Variants in MYO3B observed in about 807,000 individuals in gnomAD.
MYO3B encodes the protein myosin IIIB.
MYO3B carries 156 observed loss-of-function variants against 174.6 expected under a neutral mutation model. That is an observed-to-expected ratio of 0.89 (90% CI 0.78 to 1.02). The LOEUF is 1.02. MYO3B is among the 50% of genes least tolerant of loss of function. The probability of loss-of-function intolerance (pLI) is 0.00; values close to 1 mark genes in which losing one functional copy is unlikely to be tolerated. For synonymous variants in MYO3B, 563 were observed against 569.1 expected, an observed-to-expected ratio of 0.99 and a Z score of 0.15; for missense variants, 1,632 against 1,639.4, an observed-to-expected ratio of 1.00 and a Z score of 0.08.
At chr2:170,274,377 T>C (rs2093448071) in intron 7 of MYO3B, among the ~76,000 whole-genome samples, 1 of 152,222 alleles carries the variant, frequency 6.6e-6, no homozygotes. Context: ...TAAAACTCCT[T>C]TAACTCAAGC....
At chr2:170,526,479 A>G (rs1311573771) in intron 30 of MYO3B, among the ~76,000 whole-genome samples, 4 of 152,190 alleles carry the variant, frequency 2.6e-5, no homozygotes, top group Non-Finnish European at 2.9e-5. Context: ...ACTTTGAACA[A>G]TGCTCACTCT....
chr2:170,187,076 T>C (rs1253387572), intron 1 of MYO3B, among the ~76,000 whole-genome samples: 1 of 151,952 alleles, frequency 6.6e-6, no homozygotes, highest in African/African-American at 2.4e-5. Flanking sequence ...AAAAGGTTTG[T>C]CAATTTTATT....
chr2:170,359,448 T>C (rs2094145411), intron 8 of MYO3B, among the ~76,000 whole-genome samples: 1 of 152,190 alleles, frequency 6.6e-6, no homozygotes. Context: ...CTAAAGCAAA[T>C]ATCTAATTGT....
At chr2:170,297,778 T>G (rs979760895) in intron 7 of MYO3B, among the ~76,000 whole-genome samples, 1 of 152,208 alleles carries the variant, frequency 6.6e-6, no homozygotes, top group African/African-American at 2.4e-5. Context: ...ATTTGTTTCT[T>G]GCCATTATCA....
chr2:170,379,155 T>G (rs1404781929), intron 9 of MYO3B, among the ~76,000 whole-genome samples: 2 of 152,042 alleles, frequency 1.3e-5, no homozygotes, highest in Non-Finnish European at 2.9e-5. Context: ...TAGCTGAATT[T>G]AATATGGTAA....
At position 170,422,462 on chromosome 2, in the gene MYO3B, CT is replaced by C. The variant is rs35820262; in HGVS notation, c.2650+14632del. Among the ~76,000 whole-genome samples, 558 of 144,150 alleles carry C rather than the reference CT, an allele frequency of 3.9e-3. 2 individuals are homozygous for C. The highest frequency in any genetic ancestry group is 8.1e-3 in the Admixed American group (117 of 14,506). 94.6% of individuals were successfully genotyped at this position (144,150 alleles called of 152,430 possible). A position where few individuals can be genotyped will look rare whatever the true frequency, so the allele number is the denominator to read the frequency against. Reference sequence around the variant, plus strand: ...GAAATGTAAAATGTTCTATTAGCCACTTTTTTTTTTTTTTGAGATGGAGTCT... The same window carrying C: ...GAAATGTAAAATGTTCTATTAGCCACTTTTTTTTTTTTTGAGATGGAGTCT... On this transcript the variant is annotated intron_variant, in intron 22 of 34. Coordinates refer to ENST00000408978, the MANE Select transcript of MYO3B (RefSeq NM_138995.5).
intron 25 of MYO3B, among the ~76,000 whole-genome samples, chr2:170,491,442 T>C (rs1686461576): frequency 7.9e-6 from 1 of 125,852 alleles, no homozygotes. Context: ...AACTTTTTTT[T>C]TATTTTAAGA....
intron 31 of MYO3B, 62 bp from the exon 32 acceptor site, chr2:170,543,830 G>A: frequency 7.3e-7 from 1 of 1,360,990 alleles, no homozygotes; most frequent in Non-Finnish European, 1.0e-6. Flanking sequence ...TAGAAGCCAT[G>A]TCCTTAAGGC....
intron 32 of MYO3B, among the ~76,000 whole-genome samples, chr2:170,628,674 C>T (rs957102820): frequency 6.0e-5 from 9 of 149,918 alleles, no homozygotes; most frequent in Non-Finnish European, 3.0e-5. Context: ...CATCTTGGAA[C>T]TGTCCTCTTA....
chr2:170,276,237 A>G (rs1407593678), intron 7 of MYO3B, among the ~76,000 whole-genome samples: 3 of 152,200 alleles, frequency 2.0e-5, no homozygotes, highest in East Asian at 3.8e-4. Context: ...AATTATTCCT[A>G]GTATAGCCCG....
Position 170,250,512 on chromosome 2 carries a change from G to A in MYO3B, c.749+14376G>A, listed in dbSNP as rs547985871. Among the ~76,000 whole-genome samples, 10 of 152,332 alleles carry A rather than the reference G, an allele frequency of 6.6e-5. No homozygotes were observed. The South Asian group carries it at 1.2e-3, about 19-fold the overall frequency. The stretch of plus-strand genomic sequence containing the variant: ...TGCTGCTCAAACCCATTACAGGAAG[G>A]GGGGCATGCAGATGGACAGGTGCAG... On this transcript the variant is annotated intron_variant, in intron 7 of 34. Coordinates refer to ENST00000408978, the MANE Select transcript of MYO3B (RefSeq NM_138995.5).
At chr2:170,586,571 T>C (rs1460555314) in intron 32 of MYO3B, among the ~76,000 whole-genome samples, 1 of 152,226 alleles carries the variant, frequency 6.6e-6, no homozygotes, top group Non-Finnish European at 1.5e-5. Flanking sequence ...AAAATTTTGA[T>C]GTCTTTTATT....
chr2:170,426,411 C>T (rs1179716406), intron 22 of MYO3B, among the ~76,000 whole-genome samples: 1 of 150,774 alleles, frequency 6.6e-6, no homozygotes, highest in Admixed American at 6.6e-5. Flanking sequence ...TCTCAGCTCA[C>T]TGCAAGCTCT....
intron 32 of MYO3B, among the ~76,000 whole-genome samples, chr2:170,608,256 CTG>C (rs1694934042): frequency 6.6e-6 from 1 of 152,220 alleles, no homozygotes; most frequent in African/African-American, 2.4e-5. Context: ...CATATGGGTT[CTG>C]GGGTAATTTT....
chr2:170,506,592 A>G (rs748730363), intron 28 of MYO3B, among the ~76,000 whole-genome samples: 26 of 152,222 alleles, frequency 1.7e-4, no homozygotes, highest in Admixed American at 1.3e-3. Context: ...AATACAGAGC[A>G]CTCTAAAATA....
At chr2:170,226,502 G>A (rs1196552042) in intron 6 of MYO3B, among the ~76,000 whole-genome samples, 1 of 152,192 alleles carries the variant, frequency 6.6e-6, no homozygotes, top group Non-Finnish European at 1.5e-5. Context: ...GGCCCAAGGT[G>A]CAAGGGGTGG....
At chr2:170,453,178 C>T (rs1047373131) in intron 23 of MYO3B, among the ~76,000 whole-genome samples, 15 of 152,060 alleles carry the variant, frequency 9.9e-5, no homozygotes, top group Admixed American at 9.8e-4. Context: ...GTTTCAGGGG[C>T]CTGCAGCAAA....
chr2:170,649,473 T>C (rs1290853235), intron 32 of MYO3B, among the ~76,000 whole-genome samples: 1 of 137,870 alleles, frequency 7.3e-6, no homozygotes. Context: ...CATATTTTTT[T>C]CATCGAACTT....
rs73016928 is a variant in MYO3B, at chr2:170,321,245, C to T, written c.750-14140C>T. On this transcript the variant is annotated intron_variant, in intron 7 of 34. Transcript: ENST00000408978. ...AAAGCAAATGAATTAAGCTTTCCACCCAAGAAATTACAATTTTAAAAAATC... is the reference window on the plus strand; with the variant it reads ...AAAGCAAATGAATTAAGCTTTCCACTCAAGAAATTACAATTTTAAAAAATC... Among the ~76,000 whole-genome samples, 864 of 151,816 alleles carry T rather than the reference C, an allele frequency of 5.7e-3. 12 individuals carry two copies. Among genetic ancestry groups the T allele is most frequent in the African/African-American group, 0.02 (817 of 41,386 alleles).
Sources: allele counts gnomAD v4.1 joint callset (sites outside exome capture counted in the v4.1 genomes callset), GRCh38; gene constraint gnomAD v4.1.1; transcripts MANE v1.5; gene names NCBI Gene and HGNC (gene_info 2026-07-23, HGNC 2026-07-21).